CYP19A1: variants seen among roughly 807,000 people sequenced by gnomAD.
CYP19A1 encodes the protein aromatase.
A neutral mutation model predicts 44.4 loss-of-function variants in CYP19A1; 32 were observed. The ratio of observed to expected loss-of-function variants is 0.72; its 90% CI spans 0.54 to 0.97. CYP19A1 has a LOEUF of 0.97. Ranked by LOEUF, CYP19A1 falls within the 50% of genes least tolerant of loss-of-function variation. CYP19A1 has a pLI of 0.00. For missense variants in CYP19A1, 598 were observed against 637.8 expected (o/e 0.94, Z 0.67); for synonymous variants, 212 against 215.6 (o/e 0.98, Z 0.14).
At chr15:51,226,546 AG>A (rs2032595356) in intron 4 of CYP19A1, among the ~76,000 whole-genome samples, 1 of 152,188 alleles carries the variant, frequency 6.6e-6, no homozygotes, top group South Asian at 2.1e-4. Context: ...CAGTGGGCAG[AG>A]GTACTGGCAT....
intron 1 of CYP19A1, among the ~76,000 whole-genome samples, chr15:51,250,375 T>C (rs2034260255): frequency 6.6e-6 from 1 of 152,164 alleles, no homozygotes; most frequent in African/African-American, 2.4e-5. Flanking sequence ...CACAATGACT[T>C]ATTGGCTGAC....
At chr15:51,220,441 C>G (rs1433337623) in intron 5 of CYP19A1, among the ~76,000 whole-genome samples, 1 of 152,144 alleles carries the variant, frequency 6.6e-6, no homozygotes, top group African/African-American at 2.4e-5. Context: ...GTCCCCAGAA[C>G]CTAGAACAGT....
intron 1 of CYP19A1, among the ~76,000 whole-genome samples, chr15:51,286,137 T>C (rs563478627): frequency 1.2e-3 from 178 of 152,296 alleles, no homozygotes; most frequent in African/African-American, 3.9e-3. Context: ...GATCCAACTC[T>C]CCAGGAGAAG....
chr15:51,322,557 C>T (rs1389700793), intron 1 of CYP19A1, among the ~76,000 whole-genome samples: 2 of 152,224 alleles, frequency 1.3e-5, no homozygotes, highest in Non-Finnish European at 2.9e-5. Flanking sequence ...GCCAGTACCA[C>T]CTCCAATATA....
intron 1 of CYP19A1, chr15:51,316,139 T>A (rs771607533): frequency 1.3e-5 from 2 of 152,086 alleles, no homozygotes; most frequent in African/African-American, 2.4e-5. Flanking sequence ...TGTGGTAAGG[T>A]AAGGGGAAGG....
intron 1 of CYP19A1, among the ~76,000 whole-genome samples, chr15:51,301,637 C>G (rs1322159680): frequency 1.3e-5 from 2 of 149,148 alleles, no homozygotes; most frequent in Non-Finnish European, 2.9e-5. Flanking sequence ...TGGCCTGGGT[C>G]TTCTGCTCGT....
At chr15:51,280,887 G>A (rs1171427434) in intron 1 of CYP19A1, among the ~76,000 whole-genome samples, 1 of 152,178 alleles carries the variant, frequency 6.6e-6, no homozygotes, top group East Asian at 1.9e-4. Context: ...CTGGGAAGCT[G>A]CCCAGCCCAC....
At chr15:51,314,466 C>T (rs964239842) in intron 1 of CYP19A1, among the ~76,000 whole-genome samples, 11 of 152,100 alleles carry the variant, frequency 7.2e-5, no homozygotes, top group African/African-American at 2.4e-4. Flanking sequence ...AAGCTCTGTG[C>T]CATTCTGGGA....
At chr15:51,327,008 T>A (rs2036618311) in intron 1 of CYP19A1, among the ~76,000 whole-genome samples, 2 of 148,932 alleles carry the variant, frequency 1.3e-5, no homozygotes, top group Admixed American at 6.8e-5. Context: ...AACCCAGAAC[T>A]GTTTTCCCTA....
intron 1 of CYP19A1, among the ~76,000 whole-genome samples, chr15:51,262,559 T>G (rs1482644891): frequency 6.6e-6 from 1 of 152,146 alleles, no homozygotes; most frequent in African/African-American, 2.4e-5. Context: ...CTGCTGACAG[T>G]TAGTCTTCCA....
At chr15:51,301,691 T>C (rs1241462357) in intron 1 of CYP19A1, among the ~76,000 whole-genome samples, 3 of 152,318 alleles carry the variant, frequency 2.0e-5, no homozygotes, top group Admixed American at 1.3e-4. Flanking sequence ...CAGCTTCTAT[T>C]TTATCAAATA....
intron 1 of CYP19A1, among the ~76,000 whole-genome samples, chr15:51,268,373 T>G (rs1253278832): frequency 6.6e-6 from 1 of 152,234 alleles, no homozygotes; most frequent in Non-Finnish European, 1.5e-5. Flanking sequence ...TCATCTGGCT[T>G]CTTTTACTTA....
At chr15:51,255,846 T>C (rs2034493362) in intron 1 of CYP19A1, 1 of 152,182 alleles carries the variant, frequency 6.6e-6, no homozygotes, top group African/African-American at 2.4e-5. Flanking sequence ...AAATAATGTG[T>C]TTGCTAAAGA....
chr15:51,246,911 G>A (rs1201965936), intron 1 of CYP19A1, among the ~76,000 whole-genome samples: 2 of 152,090 alleles, frequency 1.3e-5, no homozygotes, highest in Non-Finnish European at 2.9e-5. Context: ...CCCAGCTCCT[G>A]GAGAAATGCA....
At chr15:51,249,917 A>G (rs1311076031) in intron 1 of CYP19A1, among the ~76,000 whole-genome samples, 2 of 152,204 alleles carry the variant, frequency 1.3e-5, no homozygotes, top group Non-Finnish European at 2.9e-5. Flanking sequence ...TTGAGGTTCC[A>G]GTTATTCTTC....
chr15:51,289,688 C>T (rs901550962), intron 1 of CYP19A1, among the ~76,000 whole-genome samples: 1 of 152,236 alleles, frequency 6.6e-6, no homozygotes, highest in African/African-American at 2.4e-5. Flanking sequence ...TTTGAGGCAA[C>T]CTTGTTAATC....
chr15:51,293,004 G>T (rs2035883005), intron 1 of CYP19A1, among the ~76,000 whole-genome samples: 1 of 151,958 alleles, frequency 6.6e-6, no homozygotes, highest in South Asian at 2.1e-4. Flanking sequence ...TCCAGAGGAA[G>T]TGACTAAATA....
intron 1 of CYP19A1, among the ~76,000 whole-genome samples, chr15:51,331,829 G>A (rs2141031115): frequency 6.6e-6 from 1 of 151,742 alleles, no homozygotes; most frequent in South Asian, 2.1e-4. Context: ...TTCCTGCTTT[G>A]TTATTTGCAT....
chr15:51,262,621 C>T (rs576703659), intron 1 of CYP19A1, among the ~76,000 whole-genome samples: 88 of 152,316 alleles, frequency 5.8e-4, no homozygotes, highest in Admixed American at 1.8e-3. Flanking sequence ...TTGAGGCCTC[C>T]TCACTCCCCC....
Sources: allele counts gnomAD v4.1 joint callset (sites outside exome capture counted in the v4.1 genomes callset), GRCh38; gene constraint gnomAD v4.1.1; transcripts MANE v1.5; gene names NCBI Gene and HGNC (gene_info 2026-07-23, HGNC 2026-07-21).